Variants in ZBTB41 observed in about 807,000 individuals in gnomAD.
The protein encoded by ZBTB41 is zinc finger and BTB domain-containing protein 41.
In ZBTB41, 42 loss-of-function variants were observed where a neutral mutation model predicts 87.6. That is an observed-to-expected ratio of 0.48 (90% CI 0.37 to 0.62). The LOEUF (loss-of-function observed/expected upper bound fraction) is 0.62, where lower values mean the gene tolerates loss of function less well. Ranked by LOEUF, ZBTB41 falls within the 20% of genes least tolerant of loss-of-function variation. The pLI is 0.00. For synonymous variants in ZBTB41, 364 were observed against 364.0 expected, an observed-to-expected ratio of 1.00 and a Z score of 0.00; for missense variants, 799 against 1,078.9, an observed-to-expected ratio of 0.74 and a Z score of 3.63.
At chr1:197,173,790 T>G (rs1659532353) in intron 9 of ZBTB41, among the ~76,000 whole-genome samples, 1 of 152,122 alleles carries the variant, frequency 6.6e-6, no homozygotes, top group Non-Finnish European at 1.5e-5. Context: ...AGGGTCACCA[T>G]GGGCACATAG....
intron 9 of ZBTB41, among the ~76,000 whole-genome samples, chr1:197,172,819 G>A (rs189589485): frequency 1.4e-4 from 22 of 151,954 alleles, no homozygotes; most frequent in Non-Finnish European, 1.5e-5. Flanking sequence ...TTTAAAACCC[G>A]CATTTATCAA....
Position 197,158,690 on chromosome 1 carries a change from G to A in ZBTB41, c.*669C>T, listed in dbSNP as rs533176872. 2 of 151,968 alleles carry A rather than the reference G, an allele frequency of 1.3e-5. No individual in the cohort carries two copies. The highest frequency in any genetic ancestry group is 2.4e-5 in the African/African-American group (1 of 41,504). 9.4% of individuals were successfully genotyped at this position (151,968 alleles called of 1,614,324 possible). On this transcript the variant is annotated 3_prime_UTR_variant, in exon 11 of 11. Transcript: ENST00000367405. ...TCTTATTCATAACAATTGAAGTATAGGCAAAAACCAATTATCTGGATTATT... is the reference window on the plus strand; with the variant it reads ...TCTTATTCATAACAATTGAAGTATAAGCAAAAACCAATTATCTGGATTATT...
intron 2 of ZBTB41, among the ~76,000 whole-genome samples, chr1:197,194,253 G>C (rs980798829): frequency 6.6e-6 from 1 of 151,982 alleles, no homozygotes; most frequent in African/African-American, 2.4e-5. Flanking sequence ...CCTGACCTCA[G>C]GTGATCCGTC....
chr1:197,170,264 GA>G (rs763032205), intron 10 of ZBTB41, among the ~76,000 whole-genome samples: 89 of 149,884 alleles, frequency 5.9e-4, no homozygotes, highest in African/African-American at 2.0e-3. Flanking sequence ...TCCCAACAAG[GA>G]AAAAAAAAAT....
chr1:197,196,138 T>C (rs771599069), intron 2 of ZBTB41, among the ~76,000 whole-genome samples: 2 of 152,180 alleles, frequency 1.3e-5, no homozygotes, highest in African/African-American at 2.4e-5. Context: ...GTAAGATACG[T>C]AACCTCCAGG....
chr1:197,165,437 G>A (rs146614739), intron 10 of ZBTB41, among the ~76,000 whole-genome samples: 4,189 of 151,804 alleles, frequency 0.028, 73 homozygotes, highest in African/African-American at 0.051. Context: ...GTGAAACCCC[G>A]TCTCTACTAA....
intron 10 of ZBTB41, among the ~76,000 whole-genome samples, chr1:197,165,789 T>A (rs1199771631): frequency 6.6e-6 from 1 of 152,016 alleles, no homozygotes; most frequent in Non-Finnish European, 1.5e-5. Context: ...AATATATATA[T>A]AAGCCAGTGG....
Position 197,199,454 on chromosome 1 carries a change from A to C in ZBTB41, c.1020T>G (p.Ser340=), listed in dbSNP as rs754172333. The C allele has an allele frequency of 3.1e-6, 5 of 1,612,790 alleles. No homozygotes were observed. Among genetic ancestry groups the C allele is most frequent in the Middle Eastern group, 1.7e-4 (1 of 6,042 alleles). Residue 340 remains serine (S), a synonymous_variant, in exon 2 of 11, where the codon TCT becomes TCG. Coordinates refer to ENST00000367405, the MANE Select transcript of ZBTB41 (RefSeq NM_194314.3). The part of the protein sequence containing the change: ...DAEEEPEAGD[S]VGNVHEGLTP... ...TTAACCCCTCATGAACATTTCCTACAGAATCACCAGCCTCAGGTTCTTCTT... is the reference window on the plus strand; with the variant it reads ...TTAACCCCTCATGAACATTTCCTACCGAATCACCAGCCTCAGGTTCTTCTT...
chr1:197,192,265 T>G (rs144603446), intron 2 of ZBTB41, among the ~76,000 whole-genome samples: 4 of 152,324 alleles, frequency 2.6e-5, no homozygotes, highest in East Asian at 1.9e-4. Context: ...AAAAGATCAA[T>G]TCATCATTTA....
chr1:197,164,099 T>A (rs1659261189), intron 10 of ZBTB41, among the ~76,000 whole-genome samples: 1 of 152,078 alleles, frequency 6.6e-6, no homozygotes, highest in Non-Finnish European at 1.5e-5. Flanking sequence ...AGAATTTAAA[T>A]ACATACAATA....
In ZBTB41 at chr1:197,162,243, A is replaced by C. The variant is rs187324575; in HGVS notation, c.2075-2229T>G. Among the ~76,000 whole-genome samples, 92 of 152,310 alleles carry C rather than the reference A, an allele frequency of 6.0e-4. 1 individual carries two copies. Among genetic ancestry groups the C allele is most frequent in the African/African-American group, 2.2e-3 (90 of 41,580 alleles). On this transcript the variant is annotated intron_variant, in intron 10 of 10. Coordinates refer to ENST00000367405, the MANE Select transcript of ZBTB41 (RefSeq NM_194314.3). ...CTTATAGTGCTTAAAGATAGATAGCAGAAAAGGTGAAAACTATCAACTTGA... is the reference window on the plus strand; with the variant it reads ...CTTATAGTGCTTAAAGATAGATAGCCGAAAAGGTGAAAACTATCAACTTGA...
intron 2 of ZBTB41, among the ~76,000 whole-genome samples, chr1:197,194,618 G>GAAAAAAAAAAAAA (rs71131750): frequency 7.4e-6 from 1 of 135,808 alleles, no homozygotes; most frequent in Non-Finnish European, 1.6e-5. Flanking sequence ...ATTTAAGCAA[G>GAAAAAAAAAAAAA]AAAAAAAAAA....
At chr1:197,185,603 A>AG (rs1659861393) in intron 5 of ZBTB41, among the ~76,000 whole-genome samples, 1 of 151,730 alleles carries the variant, frequency 6.6e-6, no homozygotes. Flanking sequence ...AAAAAAAAAA[A>AG]CAAACCAAAA....
At chr1:197,190,467 A>G (rs541777133) in intron 4 of ZBTB41, among the ~76,000 whole-genome samples, 1 of 152,368 alleles carries the variant, frequency 6.6e-6, no homozygotes, top group East Asian at 1.9e-4. Flanking sequence ...AAAGTCTAAC[A>G]TTTTATACTC....
In ZBTB41 at chr1:197,200,573, G is replaced by T; in HGVS notation, c.-100C>A. 1.6e-6 allele frequency: 2 copies of T among 1,228,384 alleles called. No homozygotes were observed. Among genetic ancestry groups the T allele is most frequent in the Non-Finnish European group, 2.2e-6 (2 of 903,442 alleles). The allele number at this position is 1,228,384 out of a possible 1,614,324, so 76.1% of individuals were successfully genotyped here. A position where few individuals can be genotyped will look rare whatever the true frequency, so the allele number is the denominator to read the frequency against. On this transcript the variant is annotated 5_prime_UTR_variant, in exon 2 of 11. Coordinates refer to ENST00000367405, the MANE Select transcript of ZBTB41 (RefSeq NM_194314.3). ...TGGATAACAGCTTCTGAAGGGGCGT[G>T]CCCAAGGGTTTCATGGTCTGCAAAA... is the stretch of plus-strand genomic sequence containing the variant.
chr1:197,200,328 T>C lies in ZBTB41; in HGVS notation c.146A>G (p.His49Arg). Residue 49 changes from histidine (H) to arginine (R), a missense_variant, in exon 2 of 11, where the codon CAC becomes CGC. By Grantham distance (29) the His-to-Arg change is conservative (BLOSUM62 0). Around this residue, in one of 5 missense-constraint regions of ZBTB41, gnomAD observed 77 missense variants for 68.4 expected, o/e 1.13. Coordinates refer to ENST00000367405, the MANE Select transcript of ZBTB41 (RefSeq NM_194314.3). ...SAGRPTPEAL[H>R]CYQELPPSPD... ...AGAGGGAGGAAGTTCCTGGTAACAG[T>C]GAAGAGCTTCAGGAGTTGGTCTTCC... The C allele has an allele frequency of 3.1e-6, 5 of 1,614,188 alleles. No homozygotes were observed. Among genetic ancestry groups the C allele is most frequent in the South Asian group, 2.2e-5 (2 of 91,078 alleles).
chr1:197,159,503 A>G lies in ZBTB41; in HGVS notation c.2586T>C (p.Leu862=), dbSNP rs1571642785. The G allele has an allele frequency of 6.2e-7, 1 of 1,613,974 alleles. No homozygotes were observed. Among genetic ancestry groups the G allele is most frequent in the East Asian group, 2.2e-5 (1 of 44,886 alleles). Residue 862 remains leucine, a synonymous_variant, in exon 11 of 11, where the codon CTT becomes CTC. Transcript: ENST00000367405. The part of the protein sequence containing the change: ...ADLAFLEKYT[L]TPQPANIVHP... ...GAACTATATTTGCAGGTTGAGGAGT[A>G]AGAGTATATTTTTCCAGAAAAGCTA...
intron 4 of ZBTB41, 112 bp from the exon 5 acceptor site, chr1:197,188,551 C>A (rs769349918): frequency 9.4e-7 from 1 of 1,068,344 alleles, no homozygotes; most frequent in South Asian, 1.9e-5. Flanking sequence ...TTTCTCCCAA[C>A]AGAAAACTTA....
chr1:197,176,845 C>T (rs1659621309), intron 7 of ZBTB41, among the ~76,000 whole-genome samples, 175 bp from the exon 8 acceptor site: 3 of 152,184 alleles, frequency 2.0e-5, no homozygotes, highest in South Asian at 2.1e-4. Context: ...TACCACCTGA[C>T]CCCAGGTCCC....
Sources: allele counts gnomAD v4.1 joint callset (sites outside exome capture counted in the v4.1 genomes callset), GRCh38; gene constraint gnomAD v4.1.1; regional missense constraint gnomAD v4.1.1; transcripts MANE v1.5; gene names NCBI Gene and HGNC (gene_info 2026-07-23, HGNC 2026-07-21).